Variants in SVIL observed in about 807,000 individuals in gnomAD.
SVIL encodes the protein archvillin.
In SVIL, 101 loss-of-function variants were observed where a neutral mutation model predicts 240.4. That is an observed-to-expected ratio of 0.42 (90% confidence interval 0.36 to 0.50). The LOEUF is 0.50. Among genes scored for constraint, SVIL ranks in the 20% least tolerant of loss-of-function variants. The pLI is 0.01. For missense variants in SVIL, 2,512 were observed against 2,818.7 expected (o/e 0.89, Z 2.46); for synonymous variants, 999 against 1,100.0 (o/e 0.91, Z 1.82).
At chr10:29,485,787 T>C (rs1312890315) in intron 26 of SVIL, among the ~76,000 whole-genome samples, 7 of 152,250 alleles carry the variant, frequency 4.6e-5, no homozygotes, top group Non-Finnish European at 1.5e-5. Context: ...TATTTTATTA[T>C]AATGTTTATG....
At chr10:29,481,816 G>A (rs1406036633) in intron 27 of SVIL, 88 bp from the exon 28 acceptor site, 21 of 1,382,884 alleles carry the variant, frequency 1.5e-5, no homozygotes, top group Non-Finnish European at 2.0e-5. Flanking sequence ...AAACACATGC[G>A]GCTGCTGGAA....
intron 33 of SVIL, among the ~76,000 whole-genome samples, chr10:29,466,222 CAT>C (rs10588519): frequency 0.15 from 21,532 of 143,194 alleles, 1,683 homozygotes; most frequent in East Asian, 0.32. Context: ...ACATATGTAA[CAT>C]AAATATGCAT....
At chr10:29,615,007 A>G (rs114102116) in intron 1 of SVIL, among the ~76,000 whole-genome samples, 1,673 of 152,272 alleles carry the variant, frequency 0.011, 39 homozygotes, top group African/African-American at 0.038. Context: ...CAGATGAGGA[A>G]ATTGAGGCAG....
At chr10:29,539,977 A>C (rs2132596718) in intron 6 of SVIL, among the ~76,000 whole-genome samples, 1 of 151,054 alleles carries the variant, frequency 6.6e-6, no homozygotes, top group Non-Finnish European at 1.5e-5. Context: ...TCAAAATATA[A>C]CCTCTTTCTA....
intron 3 of SVIL, among the ~76,000 whole-genome samples, chr10:29,655,874 GTT>G (rs3030622): frequency 8.0e-4 from 109 of 136,234 alleles, no homozygotes; most frequent in East Asian, 1.7e-3. Context: ...GTATGTGTGG[GTT>G]TTTTTTTTTT....
chr10:29,513,672 A>G (rs1245610396), intron 16 of SVIL, among the ~76,000 whole-genome samples: 2 of 152,346 alleles, frequency 1.3e-5, no homozygotes, highest in South Asian at 2.1e-4. Flanking sequence ...TTCTTTTCCT[A>G]CAAATGAATT....
chr10:29,553,745 T>A (rs1953613511), intron 5 of SVIL, among the ~76,000 whole-genome samples: 1 of 152,192 alleles, frequency 6.6e-6, no homozygotes. Context: ...AAAAGCTGAG[T>A]CACGTGCACT....
At chr10:29,495,790 T>C (rs748843029) in intron 18 of SVIL, among the ~76,000 whole-genome samples, 7 of 134,950 alleles carry the variant, frequency 5.2e-5, no homozygotes, top group Non-Finnish European at 1.2e-4. Flanking sequence ...AGAAGCAGAG[T>C]GGGGAATCTT....
At chr10:29,711,128 GGC>G (rs1963243818) in intron 1 of SVIL, among the ~76,000 whole-genome samples, 1 of 152,242 alleles carries the variant, frequency 6.6e-6, no homozygotes, top group African/African-American at 2.4e-5. Context: ...GGGCCAGAAT[GGC>G]GACTCATGCC....
chr10:29,546,873 G>A (rs908756147), intron 6 of SVIL, among the ~76,000 whole-genome samples: 23 of 152,196 alleles, frequency 1.5e-4, no homozygotes, highest in Non-Finnish European at 8.8e-5. Flanking sequence ...TAGATGACAA[G>A]AGAGTGCAGC....
intron 1 of SVIL, among the ~76,000 whole-genome samples, chr10:29,633,008 C>T (rs1387463360): frequency 3.3e-5 from 5 of 151,996 alleles, no homozygotes; most frequent in African/African-American, 4.8e-5. Context: ...CCAAGGTGGG[C>T]GGATCACGAG....
At chr10:29,727,767 C>CA (rs1790205329) in intron 1 of SVIL, among the ~76,000 whole-genome samples, 1 of 149,554 alleles carries the variant, frequency 6.7e-6, no homozygotes, top group African/African-American at 2.5e-5. Context: ...GAAAAAGTCA[C>CA]AAAAAGAGCA....
intron 1 of SVIL, among the ~76,000 whole-genome samples, chr10:29,701,979 G>C (rs1299667105): frequency 6.6e-6 from 1 of 152,042 alleles, no homozygotes; most frequent in Non-Finnish European, 1.5e-5. Context: ...TTCGAGACCA[G>C]CCTGGCCAAA....
chr10:29,505,061 G>C (rs114418248), intron 17 of SVIL, among the ~76,000 whole-genome samples: 3,463 of 152,284 alleles, frequency 0.023, 137 homozygotes, highest in African/African-American at 0.074. Flanking sequence ...GGAGGCTCAC[G>C]CCTGTAATCC....
At chr10:29,515,077 T>TC (rs1048214693) in intron 16 of SVIL, among the ~76,000 whole-genome samples, 2 of 152,088 alleles carry the variant, frequency 1.3e-5, no homozygotes, top group African/African-American at 2.4e-5. Context: ...CTCTTCCTTC[T>TC]CCCCCCTTCA....
chr10:29,551,547 T>A (rs956144120), intron 5 of SVIL, among the ~76,000 whole-genome samples: 2 of 152,182 alleles, frequency 1.3e-5, no homozygotes, highest in Non-Finnish European at 1.5e-5. Flanking sequence ...CCAGAGCGCC[T>A]CAGTCTTTGT....
chr10:29,517,340 C>T (rs1031150142), intron 16 of SVIL, among the ~76,000 whole-genome samples: 5 of 152,136 alleles, frequency 3.3e-5, no homozygotes, highest in Admixed American at 6.6e-5. Context: ...GTGGGAGGAT[C>T]ATTTGAGTCC....
Position 29,735,115 on chromosome 10 carries a change from C to T in SVIL, c.-400+636G>A, listed in dbSNP as rs546572550. Among the ~76,000 whole-genome samples the T allele has an allele frequency of 6.6e-6, 1 of 152,256 alleles. No individual in the cohort carries two copies. Among genetic ancestry groups the T allele is most frequent in the East Asian group, 1.9e-4 (1 of 5,152 alleles). ...CACTCGGGGTGCCAGGGACTGCTGG[C>T]TGTCACCCGGGGACTAAACCACTCC... On this transcript the variant is annotated intron_variant, in intron 1 of 35. Transcript: ENST00000375400. This position sits in a 1 kb window ranked among gnomAD's most constrained non-coding sequence, Gnocchi z 4.1.
chr10:29,624,183 C>A (rs1480659870), intron 1 of SVIL, among the ~76,000 whole-genome samples: 159 of 102,834 alleles, frequency 1.5e-3, no homozygotes, highest in African/African-American at 4.1e-3. Flanking sequence ...AAAAAAAAAA[C>A]CCCTAGCATT....
Sources: gnomAD v4.1 joint callset for allele counts (sites outside exome capture counted in the v4.1 genomes callset) on GRCh38, gnomAD v4.1.1 for gene constraint, Gnocchi (gnomAD v3.1) non-coding constraint, MANE v1.5 for transcripts, NCBI Gene and HGNC (gene_info 2026-07-23, HGNC 2026-07-21) for gene names.